The following TRIM67 variants were observed in gnomAD, a reference collection of about 807,000 sequenced individuals.
TRIM67 encodes tripartite motif-containing protein 67.
TRIM67 carries 39 observed loss-of-function variants against 71.0 expected under a neutral mutation model. That is an observed-to-expected ratio of 0.55 (90% confidence interval 0.43 to 0.72). TRIM67 has a LOEUF of 0.72. Ranked by LOEUF, TRIM67 falls within the 30% of genes least tolerant of loss-of-function variation. TRIM67 has a pLI of 0.00. For missense variants in TRIM67, 973 were observed against 1,079.2 expected (o/e 0.90, Z 1.38); for synonymous variants, 481 against 473.9 (o/e 1.01, Z -0.19).
At chr1:231,182,033 G>A (rs1406509776) in intron 1 of TRIM67, among the ~76,000 whole-genome samples, 2 of 152,212 alleles carry the variant, frequency 1.3e-5, no homozygotes, top group Non-Finnish European at 2.9e-5. Flanking sequence ...TGAGGGCCTT[G>A]CTCTAGTAGG....
At position 231,206,623 on chromosome 1, in the gene TRIM67, G is replaced by A. The variant is rs751474835; in HGVS notation, c.1681-29G>A. The A allele has an allele frequency of 1.1e-5, 17 of 1,536,630 alleles. No individual in the cohort carries two copies. In the South Asian group the frequency reaches 2.0e-4, roughly 18 times the overall value. On this transcript the variant is annotated intron_variant, in intron 6 of 9. Transcript: ENST00000366653. ...GAGGAGCTTTCCAAATGCTAGAGGA[G>A]CCTGGTGAGCAGCATTGCTCTCTTT...
chr1:231,205,621 G>A (rs556573700), intron 6 of TRIM67, among the ~76,000 whole-genome samples: 1 of 152,002 alleles, frequency 6.6e-6, no homozygotes, highest in South Asian at 2.1e-4. Context: ...AGCTACTCTG[G>A]AGGCTGAGGC....
intron 1 of TRIM67, chr1:231,186,201 T>C: frequency 6.6e-7 from 1 of 1,521,238 alleles, no homozygotes; most frequent in African/African-American, 1.4e-5. Flanking sequence ...GTGGAACTCT[T>C]GAGCCCAAAG....
intron 1 of TRIM67, among the ~76,000 whole-genome samples, chr1:231,170,202 T>C (rs985527365): frequency 1.8e-4 from 27 of 152,200 alleles, no homozygotes; most frequent in African/African-American, 6.3e-4. Flanking sequence ...GTCAAGCTGG[T>C]CTCAAACTCC....
At chr1:231,199,272 G>C (rs2102748026) in intron 3 of TRIM67, 103 bp downstream of exon 3, 1 of 1,110,084 alleles carries the variant, frequency 9.0e-7, no homozygotes, top group Middle Eastern at 2.1e-4. Flanking sequence ...AGCTAAGTGA[G>C]TGAATGAATG....
chr1:231,214,488 G>C (rs1272137030), intron 9 of TRIM67, among the ~76,000 whole-genome samples: 1 of 152,080 alleles, frequency 6.6e-6, no homozygotes, highest in Non-Finnish European at 1.5e-5. Context: ...CTAAAAGATA[G>C]GCTTATGGCC....
At chr1:231,185,263 C>T in intron 1 of TRIM67, 1 of 1,514,606 alleles carries the variant, frequency 6.6e-7, no homozygotes, top group East Asian at 2.5e-5. Context: ...TCCCCTCACC[C>T]CTGGACCAGC....
chr1:231,210,642 A>C (rs966221796), intron 8 of TRIM67, among the ~76,000 whole-genome samples: 3 of 151,730 alleles, frequency 2.0e-5, no homozygotes, highest in African/African-American at 7.3e-5. Flanking sequence ...AGAAGCATTT[A>C]TCAAACCCTT....
chr1:231,209,425 C>G lies in TRIM67; in HGVS notation c.2123+175C>G, dbSNP rs992716425. On this transcript the variant is annotated intron_variant, in intron 8 of 9. Coordinates refer to ENST00000366653, the MANE Select transcript of TRIM67 (RefSeq NM_001004342.5). The surrounding 1 kb of genome is among the most constrained non-coding windows in gnomAD (Gnocchi z 4.1). ...CTTCACTCTGCCCATATAGAACTGG[C>G]CTGCAGCCCAGATGAGGGTATGTTA... Among the ~76,000 whole-genome samples the G allele has an allele frequency of 6.6e-6, 1 of 152,188 alleles. No homozygotes were observed. Among genetic ancestry groups the G allele is most frequent in the Admixed American group, 6.5e-5 (1 of 15,286 alleles).
chr1:231,201,627 G>A (rs981427259), intron 5 of TRIM67, 110 bp downstream of exon 5: 6 of 1,347,058 alleles, frequency 4.5e-6, no homozygotes, highest in South Asian at 1.5e-5. Flanking sequence ...GAGTGTGGCA[G>A]GGTGGGAGAG....
intron 1 of TRIM67, among the ~76,000 whole-genome samples, chr1:231,169,104 G>T (rs1256658030): frequency 6.6e-6 from 1 of 152,070 alleles, no homozygotes; most frequent in Non-Finnish European, 1.5e-5. Flanking sequence ...ATTACCCAGG[G>T]TGGAGTGCAA....
chr1:231,216,144 C>T lies in TRIM67; in HGVS notation c.*704C>T. The T allele has an allele frequency of 2.0e-6, 2 of 976,816 alleles. No homozygotes were observed. Among genetic ancestry groups the T allele is most frequent in the South Asian group, 4.7e-5 (1 of 21,072 alleles). The allele number at this position is 976,816 out of a possible 1,614,324, so 60.5% of individuals were successfully genotyped here. A position where few individuals can be genotyped will look rare whatever the true frequency, so the allele number is the denominator to read the frequency against. Reference sequence around the variant, plus strand: ...CCTCCATCCTTCATTTCTTCTCCCTCCCTCCTTCTCTTTCTCTCTTCTTCT... The same window carrying T: ...CCTCCATCCTTCATTTCTTCTCCCTTCCTCCTTCTCTTTCTCTCTTCTTCT... On this transcript the variant is annotated 3_prime_UTR_variant, in exon 10 of 10. Coordinates refer to ENST00000366653, the MANE Select transcript of TRIM67 (RefSeq NM_001004342.5).
At chr1:231,181,964 G>T (rs147352732) in intron 1 of TRIM67, among the ~76,000 whole-genome samples, 89 of 152,310 alleles carry the variant, frequency 5.8e-4, no homozygotes, top group African/African-American at 1.9e-3. Context: ...GATGGTTTGG[G>T]ATATTTAGCA....
At chr1:231,202,317 A>G (rs1683577470) in intron 5 of TRIM67, among the ~76,000 whole-genome samples, 1 of 98,538 alleles carries the variant, frequency 1.0e-5, no homozygotes, top group South Asian at 3.6e-4. Context: ...GTGCAGGAGG[A>G]GGAGGAAGAG....
chr1:231,200,116 G>T, intron 3 of TRIM67, 32 bp from the exon 4 acceptor site: 1 of 1,515,526 alleles, frequency 6.6e-7, no homozygotes, highest in South Asian at 1.1e-5. Flanking sequence ...CCTCTCATGA[G>T]ACAGTTACTT....
chr1:231,168,866 A>G (rs1490295441), intron 1 of TRIM67, among the ~76,000 whole-genome samples: 3 of 152,196 alleles, frequency 2.0e-5, no homozygotes, highest in African/African-American at 7.2e-5. Context: ...AGAGTTAGGT[A>G]GGGAGAAGTG....
Position 231,209,188 on chromosome 1 carries a change from CT to C in TRIM67, c.2062del (p.Trp688GlyfsTer38). The C allele has an allele frequency of 6.2e-7, 1 of 1,606,336 alleles. No individual in the cohort carries two copies. Among genetic ancestry groups the C allele is most frequent in the Non-Finnish European group, 8.5e-7 (1 of 1,174,522 alleles). ...DMMLGKDDKAWAMYVDNNRSW... is the reference protein window; with the variant it reads ...DMMLGKDDKAXAMYVDNNRSW... The stretch of plus-strand genomic sequence containing the variant: ...TGATGCTGGGCAAGGATGACAAGGC[CT>C]GGGCCATGTATGTGGACAACAACCG... On this transcript the variant is annotated frameshift_variant, in exon 8 of 10. Transcript: ENST00000366653. LOFTEE classifies it high-confidence loss of function. The surrounding 1 kb of genome is among the most constrained non-coding windows in gnomAD (Gnocchi z 4.1).
chr1:231,169,400 AC>A (rs1222097070), intron 1 of TRIM67, among the ~76,000 whole-genome samples: 1 of 127,800 alleles, frequency 7.8e-6, no homozygotes, highest in Non-Finnish European at 1.6e-5. Flanking sequence ...TTTTGAGACA[AC>A]GTTTCTGCTC....
In TRIM67 at chr1:231,201,369, T is replaced by C; in HGVS notation, c.1386T>C (p.Ala462=). Residue 462 remains alanine (A), a synonymous_variant, in exon 5 of 10, where the codon GCT becomes GCC. Coordinates refer to ENST00000366653, the MANE Select transcript of TRIM67 (RefSeq NM_001004342.5). ...TGCTCCCCTTTAAGATCTCAGATGCTCTGATCAAGCGCGTCCAGGTGTCTC... is the reference window on the plus strand; with the variant it reads ...TGCTCCCCTTTAAGATCTCAGATGCCCTGATCAAGCGCGTCCAGGTGTCTC... ...DPSGFLQISD[A]LIKRVQVSQE... 1 of 1,613,084 alleles carries C rather than the reference T, an allele frequency of 6.2e-7. No homozygotes were observed. The highest frequency in any genetic ancestry group is 8.5e-7 in the Non-Finnish European group (1 of 1,179,550).
Sources: gnomAD v4.1 joint callset for allele counts (sites outside exome capture counted in the v4.1 genomes callset) on GRCh38, gnomAD v4.1.1 for gene constraint, Gnocchi (gnomAD v3.1) non-coding constraint, MANE v1.5 for transcripts, NCBI Gene and HGNC (gene_info 2026-07-23, HGNC 2026-07-21) for gene names.